The following GMPR variants were observed in gnomAD, a reference collection of about 807,000 sequenced individuals.
GMPR encodes the protein GMP reductase 1.
Under a neutral mutation model 38.4 loss-of-function variants are expected in GMPR, and 31 were observed. The ratio of observed to expected loss-of-function variants is 0.81; its 90% CI spans 0.61 to 1.09. The LOEUF is 1.09. Ranked by LOEUF, GMPR falls within the 50% of genes least tolerant of loss-of-function variation. The pLI, the probability that GMPR is intolerant of heterozygous loss-of-function variation, is 0.00. For synonymous variants in GMPR, 162 were observed against 173.3 expected (o/e 0.93, Z 0.51); for missense variants, 468 against 453.7 (o/e 1.03, Z -0.29).
intron 4 of GMPR, among the ~76,000 whole-genome samples, chr6:16,256,319 G>C (rs1758974039): frequency 6.8e-6 from 1 of 145,996 alleles, no homozygotes; most frequent in South Asian, 2.1e-4. Context: ...TTCAAGACCA[G>C]CCTGGCCAAG....
At chr6:16,292,203 G>A (rs779678212) in intron 8 of GMPR, among the ~76,000 whole-genome samples, 59 of 152,072 alleles carry the variant, frequency 3.9e-4, no homozygotes, top group Middle Eastern at 3.4e-3. Context: ...ACACCCAGAG[G>A]GTCATTTTGA....
intron 1 of GMPR, among the ~76,000 whole-genome samples, chr6:16,240,225 G>T (rs528044576): frequency 6.6e-6 from 1 of 152,152 alleles, no homozygotes; most frequent in African/African-American, 2.4e-5. Flanking sequence ...ATGTTGAGAA[G>T]GTAAAATATT....
rs1249330189 is a variant in GMPR at position 16,290,307 on chromosome 6, C to A, written c.698-155C>A. ...CTGCATGGAAGCCTTCTCCCTTTTT[C>A]CAGGAGGAGACAGGCGAGAGAGGTC... is the stretch of plus-strand genomic sequence containing the variant. On this transcript the variant is annotated intron_variant, in intron 7 of 8. Coordinates refer to ENST00000259727, the MANE Select transcript of GMPR (RefSeq NM_006877.4). The A allele has an allele frequency of 4.3e-6, 3 of 699,612 alleles. No individual in the cohort carries two copies. The African/African-American group carries it at 5.3e-5, about 12-fold the overall frequency. 43.3% of individuals were successfully genotyped at this position (699,612 alleles called of 1,614,324 possible).
intron 4 of GMPR, chr6:16,258,012 C>T (rs1230799646): frequency 1.3e-5 from 2 of 152,214 alleles, no homozygotes; most frequent in African/African-American, 4.8e-5. Context: ...TCTCACTTTC[C>T]TCACCTGTGA....
At chr6:16,260,563 C>CTG (rs1202916794) in intron 4 of GMPR, among the ~76,000 whole-genome samples, 1 of 151,918 alleles carries the variant, frequency 6.6e-6, no homozygotes, top group African/African-American at 2.4e-5. Context: ...GGGAAGGGGC[C>CTG]TGAATAATCC....
rs1205836087 is a variant in GMPR at position 16,278,877 on chromosome 6, G to T, written c.641G>T (p.Gly214Val). ...GCCGACTCTGCCCATGGCCTGAAGG[G>T]CCACATCATCTCTGTGAGTCTCCAC... Reference protein sequence around the residue: ...ECADSAHGLKGHIISDGGCTC... With the variant: ...ECADSAHGLKVHIISDGGCTC... The change falls in exon 6 of 9, where the codon GGC becomes GTC. Residue 214 changes from glycine to valine, a missense_variant. Physicochemically the swap from Gly to Val is moderately radical, Grantham distance 109. Coordinates refer to ENST00000259727, the MANE Select transcript of GMPR (RefSeq NM_006877.4). 9.9e-6 allele frequency: 16 copies of T among 1,609,968 alleles called. No individual in the cohort carries two copies. In the East Asian group the frequency reaches 3.1e-4, roughly 31 times the overall value.
intron 4 of GMPR, 81 bp from the exon 5 acceptor site, chr6:16,274,334 C>G: frequency 1.1e-6 from 1 of 892,610 alleles, no homozygotes. Context: ...CATGCACATC[C>G]TCGTGTTCAG....
chr6:16,274,328 C>T, intron 4 of GMPR, 87 bp from the exon 5 acceptor site: 2 of 861,128 alleles, frequency 2.3e-6, no homozygotes, highest in Non-Finnish European at 2.0e-6. Context: ...TTAGGACATG[C>T]ACATCCTCGT....
intron 4 of GMPR, among the ~76,000 whole-genome samples, chr6:16,265,913 G>C (rs994658755): frequency 2.0e-5 from 3 of 152,200 alleles, no homozygotes; most frequent in Non-Finnish European, 2.9e-5. Flanking sequence ...AAGATGTGCA[G>C]TTTCACTCCT....
intron 3 of GMPR, among the ~76,000 whole-genome samples, chr6:16,254,089 C>A (rs955488547): frequency 6.6e-6 from 1 of 152,138 alleles, no homozygotes; most frequent in Non-Finnish European, 1.5e-5. Context: ...TGCCACCACG[C>A]CTGGCTAATT....
At position 16,274,398 on chromosome 6, in the gene GMPR, T is replaced by C. The variant is rs753178854; in HGVS notation, c.466-17T>C. 13 of 1,489,764 alleles carry C rather than the reference T, an allele frequency of 8.7e-6. No individual in the cohort carries two copies. The African/African-American group carries it at 1.8e-4, about 21-fold the overall frequency. 92.3% of individuals were successfully genotyped at this position (1,489,764 alleles called of 1,614,324 possible). A position where few individuals can be genotyped will look rare whatever the true frequency, so the allele number is the denominator to read the frequency against. On this transcript the variant is annotated splice_polypyrimidine_tract_variant and intron_variant, in intron 4 of 8. Transcript: ENST00000259727. Reference sequence around the variant, plus strand: ...AATAGTAGTTCATGATCATCAGCTGTATTCTTTCTGTCTCAGGCAGGGAAC... The same window carrying C: ...AATAGTAGTTCATGATCATCAGCTGCATTCTTTCTGTCTCAGGCAGGGAAC...
chr6:16,254,616 A>G lies in GMPR; in HGVS notation c.346A>G (p.Ile116Val), dbSNP rs1758937945. 6.2e-7 allele frequency: 1 copy of G among 1,613,896 alleles called. No individual in the cohort carries two copies. Among genetic ancestry groups the G allele is most frequent in the Non-Finnish European group, 8.5e-7 (1 of 1,179,700 alleles). The change falls in exon 4 of 9, where the codon ATC becomes GTC. Residue 116 changes from isoleucine to valine, a missense_variant. Transcript: ENST00000259727. Reference sequence around the variant, plus strand: ...GAATGATCTGGAAAAGATGACCAGCATCCTGGAAGCTGTGCCACAGGTTAA... The same window carrying G: ...GAATGATCTGGAAAAGATGACCAGCGTCCTGGAAGCTGTGCCACAGGTTAA... ...GQNDLEKMTS[I>V]LEAVPQVKFI...
chr6:16,246,924 C>T lies in GMPR; in HGVS notation c.170C>T (p.Thr57Ile). 1 of 1,613,722 alleles carries T rather than the reference C, an allele frequency of 6.2e-7. No homozygotes were observed. Among genetic ancestry groups the T allele is most frequent in the Non-Finnish European group, 8.5e-7 (1 of 1,179,672 alleles). The change falls in exon 2 of 9, where the codon ACT becomes ATT. Residue 57 changes from threonine to isoleucine, a missense_variant. Coordinates refer to ENST00000259727, the MANE Select transcript of GMPR (RefSeq NM_006877.4). ...GIPIIVANMDTVGTFEMAAVM... is the reference protein window; with the variant it reads ...GIPIIVANMDIVGTFEMAAVM... ...CCCATCATCGTGGCCAACATGGACA[C>T]TGTGGGCACGTTTGAGATGGCAGCC... is the stretch of plus-strand genomic sequence containing the variant.
chr6:16,268,011 G>T (rs916690469), intron 4 of GMPR, among the ~76,000 whole-genome samples: 1 of 152,178 alleles, frequency 6.6e-6, no homozygotes, highest in African/African-American at 2.4e-5. Context: ...CAGAGAGGCG[G>T]ACACATTGAA....
intron 4 of GMPR, chr6:16,259,080 T>G (rs887411362): frequency 6.6e-6 from 1 of 152,050 alleles, no homozygotes. Flanking sequence ...TTATTTCACC[T>G]GGGTGCAGGC....
chr6:16,283,312 A>G (rs1216580361), intron 6 of GMPR, among the ~76,000 whole-genome samples: 3 of 152,256 alleles, frequency 2.0e-5, no homozygotes, highest in African/African-American at 7.2e-5. Flanking sequence ...ACAACCTTTC[A>G]GCAGCTATGA....
chr6:16,264,989 T>A (rs1442016190), intron 4 of GMPR, among the ~76,000 whole-genome samples: 2 of 152,146 alleles, frequency 1.3e-5, no homozygotes, highest in Non-Finnish European at 2.9e-5. Flanking sequence ...AGGGGCTGGC[T>A]GATTGAAGAG....
intron 4 of GMPR, among the ~76,000 whole-genome samples, chr6:16,270,000 T>C (rs1759350036): frequency 6.6e-6 from 1 of 152,228 alleles, no homozygotes; most frequent in South Asian, 2.1e-4. Flanking sequence ...TTGGGGGCTC[T>C]GCCCCCATGA....
At chr6:16,275,835 A>T (rs1033290564) in intron 5 of GMPR, among the ~76,000 whole-genome samples, 3 of 152,162 alleles carry the variant, frequency 2.0e-5, no homozygotes, top group African/African-American at 7.2e-5. Context: ...AGGTGGGTGG[A>T]TCGCTTGAGC....
Sources: allele counts gnomAD v4.1 joint callset (sites outside exome capture counted in the v4.1 genomes callset), GRCh38; gene constraint gnomAD v4.1.1; transcripts MANE v1.5; gene names NCBI Gene and HGNC (gene_info 2026-07-23, HGNC 2026-07-21).